Variants in BCKDHB observed in about 807,000 individuals in gnomAD.
BCKDHB encodes branched chain keto acid dehydrogenase E1 subunit beta.
Under a neutral mutation model 48.5 loss-of-function variants are expected in BCKDHB, and 41 were observed. The ratio of observed to expected loss-of-function variants is 0.85; its 90% confidence interval spans 0.66 to 1.10. The LOEUF (loss-of-function observed/expected upper bound fraction) is 1.10. BCKDHB is among the 50% of genes least tolerant of loss of function. The pLI is 0.00. For missense variants in BCKDHB, 496 were observed against 494.2 expected (o/e 1.00, Z -0.03); for synonymous variants, 201 against 174.8 (o/e 1.15, Z -1.18).
intron 9 of BCKDHB, among the ~76,000 whole-genome samples, chr6:80,295,488 A>G (rs1382644391): frequency 6.6e-6 from 1 of 151,776 alleles, no homozygotes; most frequent in Non-Finnish European, 1.5e-5. Flanking sequence ...TGATTCACTT[A>G]CCTCCCACCG....
intron 9 of BCKDHB, among the ~76,000 whole-genome samples, chr6:80,293,787 GA>G (rs1767070164): frequency 6.6e-6 from 1 of 152,128 alleles, no homozygotes; most frequent in African/African-American, 2.4e-5. Flanking sequence ...TTGCTGCTTA[GA>G]AATTTCTTCC....
intron 8 of BCKDHB, among the ~76,000 whole-genome samples, chr6:80,226,399 A>G (rs1467805199): frequency 6.6e-6 from 1 of 152,200 alleles, no homozygotes; most frequent in Non-Finnish European, 1.5e-5. Flanking sequence ...TTCCATGACT[A>G]TTAATCTTGA....
chr6:80,107,486 C>T (rs960657808), intron 1 of BCKDHB, among the ~76,000 whole-genome samples: 20 of 122,574 alleles, frequency 1.6e-4, no homozygotes, highest in Admixed American at 1.0e-3. Context: ...GATATATATA[C>T]GCGCATATAT....
At chr6:80,320,989 T>C (rs1269221941) in intron 9 of BCKDHB, among the ~76,000 whole-genome samples, 1 of 152,116 alleles carries the variant, frequency 6.6e-6, no homozygotes, top group Non-Finnish European at 1.5e-5. Context: ...TGAAAAAATA[T>C]GAAATTAGTA....
chr6:80,241,043 G>A (rs902764329), intron 8 of BCKDHB, among the ~76,000 whole-genome samples: 6 of 151,906 alleles, frequency 3.9e-5, no homozygotes, highest in Admixed American at 6.6e-5. Flanking sequence ...GATCGAATCG[G>A]CCACTGAAGC....
chr6:80,289,920 A>G (rs1399050386), intron 9 of BCKDHB, among the ~76,000 whole-genome samples: 1 of 152,148 alleles, frequency 6.6e-6, no homozygotes, highest in East Asian at 1.9e-4. Flanking sequence ...GAGAGAGTGA[A>G]ACCAGCTTCC....
At chr6:80,118,398 C>T (rs923838108) in intron 1 of BCKDHB, among the ~76,000 whole-genome samples, 1 of 152,086 alleles carries the variant, frequency 6.6e-6, no homozygotes, top group Admixed American at 6.6e-5. Context: ...AAATTGCCAA[C>T]AATCATCTGA....
At chr6:80,165,414 T>C (rs1582267779) in intron 3 of BCKDHB, among the ~76,000 whole-genome samples, 1 of 152,186 alleles carries the variant, frequency 6.6e-6, no homozygotes, top group African/African-American at 2.4e-5. Context: ...AACTACAGGA[T>C]GTGTCTGGTC....
At chr6:80,458,421 A>G in the BCKDHB span, among the ~76,000 whole-genome samples, 1 of 152,168 alleles carries the variant, frequency 6.6e-6, no homozygotes, top group African/African-American at 2.4e-5. Context: ...TTTTCCAGTT[A>G]TTGTTTAGTG....
At chr6:80,419,264 T>TG in the BCKDHB span, among the ~76,000 whole-genome samples, 1 of 152,318 alleles carries the variant, frequency 6.6e-6, no homozygotes, top group South Asian at 2.1e-4. Context: ...TGTGGGCTGT[T>TG]GCGTGGCTTT....
the BCKDHB span, among the ~76,000 whole-genome samples, chr6:80,413,207 T>C: frequency 6.6e-6 from 1 of 152,282 alleles, no homozygotes; most frequent in South Asian, 2.1e-4. Context: ...AAAGATAGTA[T>C]ATCAAAGACT....
At chr6:80,382,986 G>A in the BCKDHB span, among the ~76,000 whole-genome samples, 13 of 152,170 alleles carry the variant, frequency 8.5e-5, no homozygotes, top group East Asian at 1.9e-4. Flanking sequence ...CACAGTGGCC[G>A]GTAATAACCA....
chr6:80,159,481 C>A (rs1411194682), intron 3 of BCKDHB, among the ~76,000 whole-genome samples: 1 of 152,028 alleles, frequency 6.6e-6, no homozygotes, highest in Admixed American at 6.6e-5. Context: ...TTTAAATTTG[C>A]GTGCATATTC....
intron 3 of BCKDHB, among the ~76,000 whole-genome samples, chr6:80,145,655 C>T (rs191492391): frequency 4.6e-5 from 7 of 152,252 alleles, no homozygotes; most frequent in Admixed American, 2.0e-4. Context: ...CTTGGTTCCA[C>T]TGACACATGT....
chr6:80,338,531 T>TA (rs1179543125), intron 9 of BCKDHB, among the ~76,000 whole-genome samples: 1 of 152,164 alleles, frequency 6.6e-6, no homozygotes, highest in African/African-American at 2.4e-5. Flanking sequence ...ATACAGGCCT[T>TA]ACGTATTTTT....
At chr6:80,111,231 G>T (rs1582157604) in intron 1 of BCKDHB, among the ~76,000 whole-genome samples, 2 of 152,322 alleles carry the variant, frequency 1.3e-5, no homozygotes, top group East Asian at 3.9e-4. Context: ...GTATTGAAAA[G>T]AAACTGAATT....
chr6:80,426,890 C>T, the BCKDHB span, among the ~76,000 whole-genome samples: 6 of 151,972 alleles, frequency 3.9e-5, no homozygotes, highest in Non-Finnish European at 7.4e-5. Context: ...TCTGTATGAT[C>T]GTTCTACCAT....
At chr6:80,188,999 C>A (rs1206138949) in intron 6 of BCKDHB, among the ~76,000 whole-genome samples, 1 of 152,114 alleles carries the variant, frequency 6.6e-6, no homozygotes, top group African/African-American at 2.4e-5. Flanking sequence ...CATATTCTAA[C>A]ATATTTGGGA....
chr6:80,131,892 C>T lies in BCKDHB; in HGVS notation c.343+2663C>T, dbSNP rs191306505. ...TCCTGACCTTGTGATCCACCTGCCT[C>T]GGCCTCCCTAAGTGCTGGGATTACA... On this transcript the variant is annotated intron_variant, in intron 3 of 9. Transcript: ENST00000320393. Among the ~76,000 whole-genome samples, 273 of 152,236 alleles carry T rather than the reference C, an allele frequency of 1.8e-3. 4 individuals are homozygous for T. Among genetic ancestry groups the T allele is most frequent in the African/African-American group, 6.2e-3 (256 of 41,546 alleles).
Sources: gnomAD v4.1 joint callset for allele counts (sites outside exome capture counted in the v4.1 genomes callset) on GRCh38, gnomAD v4.1.1 for gene constraint, MANE v1.5 for transcripts, NCBI Gene and HGNC (gene_info 2026-07-23, HGNC 2026-07-21) for gene names.